Variants in ZNF407 observed in about 807,000 individuals in gnomAD.
ZNF407 encodes zinc finger protein 407.
In ZNF407, 17 loss-of-function variants were observed where a neutral mutation model predicts 131.2. The ratio of observed to expected loss-of-function variants is 0.13; its 90% CI spans 0.09 to 0.19. The LOEUF (loss-of-function observed/expected upper bound fraction) is 0.19. Ranked by LOEUF, ZNF407 falls within the 10% of genes least tolerant of loss-of-function variation. ZNF407 has a pLI of 1.00. For missense variants in ZNF407, 2,681 were observed against 2,830.6 expected, an observed-to-expected ratio of 0.95 and a Z score of 1.20; for synonymous variants, 1,156 against 1,062.0, an observed-to-expected ratio of 1.09 and a Z score of -1.72.
At chr18:74,952,484 CAG>C (rs60224839) in intron 8 of ZNF407, among the ~76,000 whole-genome samples, 1,643 of 152,256 alleles carry the variant, frequency 0.011, 31 homozygotes, top group African/African-American at 0.037. Context: ...ATCCTGGAGA[CAG>C]AGGCTAACCC....
chr18:74,821,246 T>C (rs1970336130), intron 4 of ZNF407, among the ~76,000 whole-genome samples: 2 of 152,050 alleles, frequency 1.3e-5, no homozygotes, highest in East Asian at 3.9e-4. Flanking sequence ...TTAGACTTAG[T>C]TTTCAAGGCA....
At chr18:74,620,186 A>G (rs2144637031) in intron 1 of ZNF407, among the ~76,000 whole-genome samples, 1 of 152,228 alleles carries the variant, frequency 6.6e-6, no homozygotes, top group East Asian at 1.9e-4. Flanking sequence ...AGGTTGTCAT[A>G]CAGTTAATTT....
chr18:75,006,578 T>C (rs1972913089), intron 8 of ZNF407, among the ~76,000 whole-genome samples: 1 of 152,188 alleles, frequency 6.6e-6, no homozygotes, highest in Admixed American at 6.5e-5. Context: ...TTTTCCTCCT[T>C]ATTATTAATC....
chr18:74,917,798 G>C (rs1971793047), intron 7 of ZNF407, among the ~76,000 whole-genome samples: 1 of 152,118 alleles, frequency 6.6e-6, no homozygotes, highest in Admixed American at 6.5e-5. Flanking sequence ...TCATATGATT[G>C]GTGATTGTCT....
At chr18:74,834,538 G>C (rs946801428) in intron 4 of ZNF407, among the ~76,000 whole-genome samples, 1 of 152,194 alleles carries the variant, frequency 6.6e-6, no homozygotes, top group African/African-American at 2.4e-5. Flanking sequence ...CTCCAGACTG[G>C]ATGAACAGGG....
In ZNF407 at chr18:74,632,500, C is replaced by T. The variant is rs760981574; in HGVS notation, c.1481C>T (p.Ser494Leu). Residue 494 changes from serine to leucine, a missense_variant, in exon 2 of 9, where the codon TCA (serine) becomes TTA (leucine). Physicochemically the swap from Ser to Leu is moderately radical, Grantham distance 145 (BLOSUM62 -2). Coordinates refer to ENST00000299687, the MANE Select transcript of ZNF407 (RefSeq NM_017757.3). The part of the protein sequence containing the change: ...SSVQRVCVTT[S>L]ETQEAEQGQG... ...GTGCAGAGAGTGTGTGTGACTACCT[C>T]AGAAACCCAGGAGGCAGAGCAGGGC... The T allele has an allele frequency of 3.1e-6, 5 of 1,613,910 alleles. No individual in the cohort carries two copies. Among genetic ancestry groups the T allele is most frequent in the Admixed American group, 3.3e-5 (2 of 60,016 alleles).
intron 3 of ZNF407, among the ~76,000 whole-genome samples, chr18:74,704,130 T>C (rs532832843): frequency 1.2e-3 from 176 of 152,294 alleles, no homozygotes; most frequent in African/African-American, 3.9e-3. Flanking sequence ...CACAGACCCA[T>C]AGCTTTCTTC....
intron 4 of ZNF407, among the ~76,000 whole-genome samples, chr18:74,856,951 A>C (rs1970867721): frequency 6.6e-6 from 1 of 152,228 alleles, no homozygotes; most frequent in African/African-American, 2.4e-5. Flanking sequence ...CCACCAAGCC[A>C]ATTTACTAAA....
chr18:74,610,354 C>G (rs989677743), intron 1 of ZNF407, among the ~76,000 whole-genome samples: 1 of 152,124 alleles, frequency 6.6e-6, no homozygotes, highest in African/African-American at 2.4e-5. Flanking sequence ...CTCTACAGTT[C>G]ATGGTGAACA....
At chr18:74,638,873 A>G (rs1984582488) in intron 2 of ZNF407, among the ~76,000 whole-genome samples, 1 of 152,206 alleles carries the variant, frequency 6.6e-6, no homozygotes, top group Non-Finnish European at 1.5e-5. Flanking sequence ...GCAAACTTAA[A>G]AACAGAAATG....
intron 8 of ZNF407, among the ~76,000 whole-genome samples, chr18:75,046,471 C>T (rs1973436816): frequency 6.6e-6 from 1 of 152,208 alleles, no homozygotes; most frequent in Non-Finnish European, 1.5e-5. Context: ...GCCAACGCTG[C>T]TTCACTTTTA....
intron 8 of ZNF407, among the ~76,000 whole-genome samples, chr18:74,927,294 C>T (rs1160117643): frequency 6.6e-6 from 1 of 152,192 alleles, no homozygotes. Context: ...TTACATCACC[C>T]TGCTGTACAG....
intron 3 of ZNF407, among the ~76,000 whole-genome samples, chr18:74,693,028 GT>G (rs1170156827): frequency 1.3e-5 from 2 of 152,230 alleles, no homozygotes; most frequent in Non-Finnish European, 2.9e-5. Flanking sequence ...GCAAACAGCT[GT>G]TGACTGAGTG....
At chr18:75,017,922 G>T (rs1367108694) in intron 8 of ZNF407, among the ~76,000 whole-genome samples, 1 of 152,072 alleles carries the variant, frequency 6.6e-6, no homozygotes, top group East Asian at 1.9e-4. Context: ...CAGGACCTGA[G>T]TTTTTTTAAC....
At chr18:74,943,609 T>A (rs1375194739) in intron 8 of ZNF407, among the ~76,000 whole-genome samples, 1 of 152,220 alleles carries the variant, frequency 6.6e-6, no homozygotes, top group East Asian at 1.9e-4. Context: ...GATCAATACG[T>A]TAGACTGTTT....
At chr18:74,743,876 T>C (rs1251510810) in intron 3 of ZNF407, among the ~76,000 whole-genome samples, 1 of 152,126 alleles carries the variant, frequency 6.6e-6, no homozygotes, top group Non-Finnish European at 1.5e-5. Context: ...ATTGGTACAT[T>C]AATTTGTTTT....
intron 1 of ZNF407, among the ~76,000 whole-genome samples, chr18:74,627,338 A>G (rs753591726): frequency 4.6e-5 from 7 of 152,210 alleles, no homozygotes; most frequent in Non-Finnish European, 8.8e-5. Context: ...TCCAGCATCT[A>G]CAGGCAAGAA....
intron 8 of ZNF407, among the ~76,000 whole-genome samples, chr18:75,045,224 G>A (rs539607897): frequency 1.3e-5 from 2 of 152,280 alleles, no homozygotes; most frequent in South Asian, 2.1e-4. Context: ...CGTCTCAGCA[G>A]AAAGTTTTAT....
intron 8 of ZNF407, among the ~76,000 whole-genome samples, chr18:74,998,248 C>T (rs958590973): frequency 2.6e-5 from 4 of 152,192 alleles, no homozygotes; most frequent in African/African-American, 7.2e-5. Flanking sequence ...TTAGTTTACT[C>T]AGCTTAGCTC....
Sources: gnomAD v4.1 joint callset for allele counts (sites outside exome capture counted in the v4.1 genomes callset) on GRCh38, gnomAD v4.1.1 for gene constraint, MANE v1.5 for transcripts, NCBI Gene and HGNC (gene_info 2026-07-23, HGNC 2026-07-21) for gene names.